HCRTR1: variants seen among roughly 807,000 people sequenced by gnomAD.
The protein encoded by HCRTR1 is hypocretin receptor 1, also known as orexin/Hypocretin receptor type 1.
HCRTR1 carries 28 observed loss-of-function variants against 40.6 expected under a neutral mutation model. The ratio of observed to expected loss-of-function variants is 0.69; its 90% CI spans 0.51 to 0.95. The LOEUF is 0.95. Ranked by LOEUF, HCRTR1 falls within the 40% of genes least tolerant of loss-of-function variation. The pLI is 0.00. For missense variants in HCRTR1, 482 were observed against 564.7 expected, an observed-to-expected ratio of 0.85 and a Z score of 1.48; for synonymous variants, 209 against 230.0, an observed-to-expected ratio of 0.91 and a Z score of 0.83.
rs1639762379 is a variant in HCRTR1, at chr1:31,617,779, G to C, written c.-306G>C. 6.6e-6 allele frequency: 1 copy of C among 152,130 alleles called. No homozygotes were observed. The highest frequency in any genetic ancestry group is 2.4e-5 in the African/African-American group (1 of 41,434). The allele number at this position is 152,130 out of a possible 1,614,324, so 9.4% of individuals were successfully genotyped here. ...GGGGCTGCCCCGGCCCCCTCCTGCA[G>C]TCCCGGCCCCTAGAGGCTCGGCCTT... is the stretch of plus-strand genomic sequence containing the variant. On this transcript the variant is annotated 5_prime_UTR_variant, in exon 1 of 9. Transcript: ENST00000403528.
downstream of HCRTR1, chr1:31,632,668 A>G: frequency 6.2e-7 from 1 of 1,609,302 alleles, no homozygotes; most frequent in Admixed American, 1.7e-5. Context: ...GGAGGGGAGG[A>G]AGGCTTCAAG....
Position 31,621,534 on chromosome 1 carries a change from C to T in HCRTR1, c.680C>T (p.Pro227Leu). The T allele has an allele frequency of 6.2e-7, 1 of 1,614,104 alleles. No homozygotes were observed. Among genetic ancestry groups the T allele is most frequent in the East Asian group, 2.2e-5 (1 of 44,888 alleles). The change falls in exon 6 of 9, where the codon CCA becomes CTA. Residue 227 changes from proline (P) to leucine (L), a missense_variant. By Grantham distance (98) the Pro-to-Leu change is moderately conservative. Transcript: ENST00000403528. Reference protein sequence around the residue: ...SCFFIVTYLAPLGLMAMAYFQ... With the variant: ...SCFFIVTYLALLGLMAMAYFQ... ...TTCTTTATTGTCACCTACCTGGCCCCACTGGGCCTCATGGCCATGGCCTAT... is the reference window on the plus strand; with the variant it reads ...TTCTTTATTGTCACCTACCTGGCCCTACTGGGCCTCATGGCCATGGCCTAT...
chr1:31,620,806 C>T lies in HCRTR1; in HGVS notation c.379-37C>T, dbSNP rs16834629. On this transcript the variant is annotated intron_variant, in intron 4 of 8. Transcript: ENST00000403528. ...CACCTACTCTCACATCGCTGGGTGG[C>T]CCCCAAAATGACCGACGTTGTGTCC... 4.1e-3 allele frequency: 6,587 copies of T among 1,598,104 alleles called. 241 individuals are homozygous for T. In the African/African-American group the frequency reaches 0.077, roughly 19 times the overall value.
Position 31,625,680 on chromosome 1 carries a change from C to T in HCRTR1, c.1087+562C>T, listed in dbSNP as rs1639962475. Among the ~76,000 whole-genome samples, 1 of 152,174 alleles carries T rather than the reference C, an allele frequency of 6.6e-6. No homozygotes were observed. Among genetic ancestry groups the T allele is most frequent in the Non-Finnish European group, 1.5e-5 (1 of 68,022 alleles). On this transcript the variant is annotated intron_variant, in intron 8 of 8. Coordinates refer to ENST00000403528, the MANE Select transcript of HCRTR1 (RefSeq NM_001525.3). The surrounding 1 kb of genome is among the most constrained non-coding windows in gnomAD (Gnocchi z 4.2). ...TCCTCCCCTGCCACCCCCACTCCCA[C>T]TCCAGGCCTCTCCTCTCTGCTGTCC...
Position 31,626,680 on chromosome 1 carries a change from C to T in HCRTR1, c.1088-110C>T. 8.3e-7 allele frequency: 1 copy of T among 1,198,298 alleles called. No individual in the cohort carries two copies. The highest frequency in any genetic ancestry group is 1.1e-6 in the Non-Finnish European group (1 of 873,204). The allele number at this position is 1,198,298 out of a possible 1,614,324, so 74.2% of individuals were successfully genotyped here. ...CCCAGCTCTATCCCTCCCTCCCTCC[C>T]CGCCCCCTCATAGGCAGCTTGGCTG... On this transcript the variant is annotated intron_variant, in intron 8 of 8. Transcript: ENST00000403528. This position sits in a 1 kb window ranked among gnomAD's most constrained non-coding sequence, Gnocchi z 4.6.
Position 31,623,712 on chromosome 1 carries a change from T to A in HCRTR1, c.928T>A (p.Cys310Ser). Residue 310 changes from cysteine (C) to serine (S), a missense_variant, in exon 7 of 9, where the codon TGC (cysteine) becomes AGC (serine). Coordinates refer to ENST00000403528, the MANE Select transcript of HCRTR1 (RefSeq NM_001525.3). ...GGTGGTGCTGCTGGTCTTCGCCCTC[T>A]GCTACCTGCCCATCAGCGTCCTCAA... ...LMVVLLVFALCYLPISVLNVL... is the reference protein window; with the variant it reads ...LMVVLLVFALSYLPISVLNVL... 6.2e-7 allele frequency: 1 copy of A among 1,614,180 alleles called. No individual in the cohort carries two copies. The highest frequency in any genetic ancestry group is 8.5e-7 in the Non-Finnish European group (1 of 1,180,024).
At chr1:31,624,368 A>G (rs1639927947) in intron 7 of HCRTR1, among the ~76,000 whole-genome samples, 1 of 149,734 alleles carries the variant, frequency 6.7e-6, no homozygotes, top group Non-Finnish European at 1.5e-5. Flanking sequence ...AGGTGGAAGA[A>G]TAGCTTGAGC....
chr1:31,619,099 AC>A lies in HCRTR1; in HGVS notation c.-91del, dbSNP rs1639791814. ...AAGACCTGGGTGCAAGCCTCCAGGC[AC>A]CCTGAAGGGAGTGGGCTGAGGGCTG... On this transcript the variant is annotated 5_prime_UTR_variant, in exon 3 of 9. Coordinates refer to ENST00000403528, the MANE Select transcript of HCRTR1 (RefSeq NM_001525.3). 4 of 1,049,442 alleles carry A rather than the reference AC, an allele frequency of 3.8e-6. No homozygotes were observed. Among genetic ancestry groups the A allele is most frequent in the Non-Finnish European group, 5.5e-6 (4 of 729,354 alleles). The allele number at this position is 1,049,442 out of a possible 1,614,324, so 65.0% of individuals were successfully genotyped here.
downstream of HCRTR1, chr1:31,629,968 C>T (rs1640049046): frequency 6.6e-6 from 1 of 152,252 alleles, no homozygotes; most frequent in African/African-American, 2.4e-5. Context: ...GGAGAGGTGA[C>T]CACTGTCTCC....
downstream of HCRTR1, chr1:31,630,872 C>T (rs1241659134): frequency 1.9e-6 from 3 of 1,547,956 alleles, no homozygotes; most frequent in Non-Finnish European, 2.6e-6. Flanking sequence ...AGACCAGACA[C>T]ACAAAAACCT....
chr1:31,627,425 G>A lies in HCRTR1; in HGVS notation c.*445G>A. The A allele has an allele frequency of 8.8e-7, 1 of 1,140,990 alleles. No individual in the cohort carries two copies. The highest frequency in any genetic ancestry group is 1.6e-5 in the African/African-American group (1 of 63,562). The allele number at this position is 1,140,990 out of a possible 1,614,324, so 70.7% of individuals were successfully genotyped here. A position where few individuals can be genotyped will look rare whatever the true frequency, so the allele number is the denominator to read the frequency against. Reference sequence around the variant, plus strand: ...CACTTGGCCAGCTGTTCTGATGCCTGTGTGAACTAATCTGGGCCCAGCCTT... The same window carrying A: ...CACTTGGCCAGCTGTTCTGATGCCTATGTGAACTAATCTGGGCCCAGCCTT... On this transcript the variant is annotated 3_prime_UTR_variant, in exon 9 of 9. Transcript: ENST00000403528.
At chr1:31,622,532 C>T (rs1336042600) in intron 6 of HCRTR1, among the ~76,000 whole-genome samples, 2 of 152,074 alleles carry the variant, frequency 1.3e-5, no homozygotes, top group Non-Finnish European at 2.9e-5. Context: ...ACCCCCCAGC[C>T]AAGCAGGACA....
In HCRTR1 at chr1:31,623,664, A is replaced by G; in HGVS notation, c.880A>G (p.Arg294Gly). 1 of 1,614,104 alleles carries G rather than the reference A, an allele frequency of 6.2e-7. No individual in the cohort carries two copies. The highest frequency in any genetic ancestry group is 1.3e-5 in the African/African-American group (1 of 75,068). Residue 294 changes from arginine (R) to glycine (G), a missense_variant, in exon 7 of 9, where the codon AGG becomes GGG. Transcript: ENST00000403528. The part of the protein sequence containing the change: ...LAEVKQMRAR[R>G]KTAKMLMVVL... Reference sequence around the variant, plus strand: ...TGAAGTGAAGCAGATGCGTGCACGGAGGAAGACAGCCAAGATGCTGATGGT... The same window carrying G: ...TGAAGTGAAGCAGATGCGTGCACGGGGGAAGACAGCCAAGATGCTGATGGT...
Position 31,626,668 on chromosome 1 carries a change from C to CCA in HCRTR1, c.1088-122_1088-121insCA. 3 of 618,630 alleles carry CCA rather than the reference C, an allele frequency of 4.8e-6. No homozygotes were observed. Among genetic ancestry groups the CCA allele is most frequent in the Non-Finnish European group, 8.1e-6 (3 of 371,032 alleles). The allele number at this position is 618,630 out of a possible 1,614,324, so 38.3% of individuals were successfully genotyped here. A position where few individuals can be genotyped will look rare whatever the true frequency, so the allele number is the denominator to read the frequency against. The stretch of plus-strand genomic sequence containing the variant: ...AGGGCTCTCCCTCCCAGCTCTATCC[C>CCA]TCCCTCCCTCCCCGCCCCCTCATAG... On this transcript the variant is annotated intron_variant, in intron 8 of 8. Transcript: ENST00000403528. The surrounding 1 kb of genome is among the most constrained non-coding windows in gnomAD (Gnocchi z 4.6).
rs1054444648 is a variant in HCRTR1 at position 31,617,819 on chromosome 1, G to A, written c.-266G>A. 2.6e-5 allele frequency: 4 copies of A among 152,148 alleles called. No homozygotes were observed. Among genetic ancestry groups the A allele is most frequent in the African/African-American group, 7.2e-5 (3 of 41,450 alleles). 9.4% of individuals were successfully genotyped at this position (152,148 alleles called of 1,614,324 possible). A position where few individuals can be genotyped will look rare whatever the true frequency, so the allele number is the denominator to read the frequency against. On this transcript the variant is annotated 5_prime_UTR_variant, in exon 1 of 9. Transcript: ENST00000403528. ...GGCTCGGCCTTCCTCGCAGGAAGGC[G>A]AAGTCCCCGGTGCCAGGTCCGGGGA...
downstream of HCRTR1, chr1:31,632,329 A>G (rs1448996058): frequency 2.5e-6 from 3 of 1,207,790 alleles, no homozygotes; most frequent in Admixed American, 5.7e-5. Context: ...TCAGTGCCCC[A>G]GCTGGGTCAA....
Position 31,626,808 on chromosome 1 carries a change from T to TTAAG in HCRTR1, c.1107_1110dup (p.Ala371Ter), listed in dbSNP as rs759858553. On this transcript the variant is annotated frameshift_variant, in exon 9 of 9. Transcript: ENST00000403528. LOFTEE classifies it high-confidence loss of function. This position sits in a 1 kb window ranked among gnomAD's most constrained non-coding sequence, Gnocchi z 4.6. ...AACCAAGGCAAATTCCGGGAGCAGT[T>TTAAG]TAAGGCTGCCTTCTCCTGCTGCCTG... The TTAAG allele has an allele frequency of 5.0e-6, 8 of 1,613,992 alleles. No homozygotes were observed. The Admixed American group carries it at 1.3e-4, about 27-fold the overall frequency.
chr1:31,623,240 G>C (rs1639897100), intron 6 of HCRTR1, among the ~76,000 whole-genome samples: 1 of 148,342 alleles, frequency 6.7e-6, no homozygotes, highest in South Asian at 2.1e-4. Flanking sequence ...AGATTGAAGA[G>C]AGCCAAGATT....
rs973474109 is a variant in HCRTR1 at position 31,626,523 on chromosome 1, C to G, written c.1088-267C>G. ...CCTGAGGCCCCCGAGCCAGACACCACGTTTTGAGTCAGCCTCCGAGCCAGA... is the reference window on the plus strand; with the variant it reads ...CCTGAGGCCCCCGAGCCAGACACCAGGTTTTGAGTCAGCCTCCGAGCCAGA... On this transcript the variant is annotated intron_variant, in intron 8 of 8. Transcript: ENST00000403528. The surrounding 1 kb of genome is among the most constrained non-coding windows in gnomAD (Gnocchi z 4.6). Among the ~76,000 whole-genome samples the G allele has an allele frequency of 4.6e-5, 7 of 152,148 alleles. No homozygotes were observed. Among genetic ancestry groups the G allele is most frequent in the African/African-American group, 1.7e-4 (7 of 41,430 alleles).
Sources: allele counts gnomAD v4.1 joint callset (sites outside exome capture counted in the v4.1 genomes callset), GRCh38; gene constraint gnomAD v4.1.1; non-coding constraint Gnocchi (gnomAD v3.1); transcripts MANE v1.5; gene names NCBI Gene and HGNC (gene_info 2026-07-23, HGNC 2026-07-21).